The following COL13A1 variants were observed in gnomAD, a reference collection of about 807,000 sequenced individuals.
The protein encoded by COL13A1 is collagen type XIII alpha 1 chain.
COL13A1 carries 89 observed loss-of-function variants against 130.9 expected under a neutral mutation model. The observed-to-expected ratio is 0.68, with a 90% CI of 0.57 to 0.81. The LOEUF is 0.81. Ranked by LOEUF, COL13A1 falls within the 30% of genes least tolerant of loss-of-function variation. COL13A1 has a pLI of 0.00. For missense variants in COL13A1, 879 were observed against 934.6 expected (o/e 0.94, Z 0.78); for synonymous variants, 402 against 341.6 (o/e 1.18, Z -1.95).
At chr10:69,904,126 G>A (rs916912212) in intron 15 of COL13A1, among the ~76,000 whole-genome samples, 3 of 152,134 alleles carry the variant, frequency 2.0e-5, no homozygotes, top group Admixed American at 6.5e-5. Flanking sequence ...AACCTGAAAG[G>A]AAGGGAAACT....
intron 17 of COL13A1, among the ~76,000 whole-genome samples, chr10:69,907,148 T>C (rs376835016): frequency 8.5e-5 from 13 of 152,326 alleles, no homozygotes; most frequent in African/African-American, 2.9e-4. Context: ...ATAACTGTAA[T>C]AGCAATAATA....
chr10:69,875,057 G>T lies in COL13A1; in HGVS notation c.400-71G>T. The T allele has an allele frequency of 2.5e-6, 4 of 1,599,706 alleles. No individual in the cohort carries two copies. The South Asian group carries it at 4.4e-5, about 18-fold the overall frequency. On this transcript the variant is annotated intron_variant, in intron 4 of 40. Transcript: ENST00000645393. ...GTGCCCTAAATCAGGTGCACAGTTT[G>T]CCTATAGGGTCCTTCACATGCTAGC... is the stretch of plus-strand genomic sequence containing the variant.
chr10:69,802,570 G>T lies in COL13A1; in HGVS notation c.147G>T (p.Thr49=). Residue 49 remains threonine, a synonymous_variant, in exon 1 of 41, where the codon ACG becomes ACT. Transcript: ENST00000645393. The stretch of plus-strand genomic sequence containing the variant: ...GTCCAGGGTCGTGCGGGCTGCTGAC[G>T]CTGGCCCTCTGCTCGCTGGCACTCA... ...LPSPGSCGLL[T]LALCSLALSL... 6.2e-7 allele frequency: 1 copy of T among 1,610,900 alleles called. No individual in the cohort carries two copies. The highest frequency in any genetic ancestry group is 8.5e-7 in the Non-Finnish European group (1 of 1,178,708).
At chr10:69,930,109 T>G (rs1309785173) in intron 29 of COL13A1, 22 bp downstream of exon 29, 2 of 1,612,620 alleles carry the variant, frequency 1.2e-6, no homozygotes, top group African/African-American at 2.7e-5. Context: ...CGTCCTCTGG[T>G]CAAACCTCTG....
intron 2 of COL13A1, among the ~76,000 whole-genome samples, chr10:69,859,789 A>G (rs1045935822): frequency 6.6e-6 from 1 of 152,184 alleles, no homozygotes; most frequent in Non-Finnish European, 1.5e-5. Flanking sequence ...GCCGGAGGAG[A>G]CTGGAGTTTG....
chr10:69,927,886 A>G, intron 27 of COL13A1, among the ~76,000 whole-genome samples: 1 of 152,266 alleles, frequency 6.6e-6, no homozygotes, highest in East Asian at 1.9e-4. Flanking sequence ...TTGGCAGGGC[A>G]CAGTGGCTTA....
At chr10:69,811,210 C>T (rs1010076959) in intron 1 of COL13A1, among the ~76,000 whole-genome samples, 5 of 152,298 alleles carry the variant, frequency 3.3e-5, no homozygotes, top group African/African-American at 1.2e-4. Flanking sequence ...CTCCTGCCCA[C>T]CACCCCCTCC....
At chr10:69,903,832 T>C (rs1253972769) in intron 15 of COL13A1, among the ~76,000 whole-genome samples, 1 of 152,150 alleles carries the variant, frequency 6.6e-6, no homozygotes, top group Non-Finnish European at 1.5e-5. Flanking sequence ...GGCAAGGATG[T>C]CCCCAACAAT....
At chr10:69,894,904 G>A (rs749414990) in intron 12 of COL13A1, among the ~76,000 whole-genome samples, 2 of 152,168 alleles carry the variant, frequency 1.3e-5, no homozygotes, top group Non-Finnish European at 2.9e-5. Flanking sequence ...CCTGGAGGCT[G>A]GTCCGGGTGA....
chr10:69,901,804 T>C (rs543247629), intron 14 of COL13A1, among the ~76,000 whole-genome samples: 1 of 152,294 alleles, frequency 6.6e-6, no homozygotes, highest in East Asian at 1.9e-4. Flanking sequence ...GGGAGCATGA[T>C]GCCATCGCTA....
At chr10:69,822,289 C>A in intron 1 of COL13A1, 80 bp from the exon 2 acceptor site, 1 of 1,136,264 alleles carries the variant, frequency 8.8e-7, no homozygotes, top group Non-Finnish European at 1.2e-6. Flanking sequence ...TTCCTGCCCT[C>A]CTCGTCAGCC....
intron 37 of COL13A1, 44 bp from the exon 38 acceptor site, chr10:69,947,263 G>A: frequency 1.3e-6 from 2 of 1,592,672 alleles, no homozygotes; most frequent in Non-Finnish European, 1.7e-6. Context: ...CAGCTGGCCT[G>A]TGTGTCCTCA....
At chr10:69,932,687 C>A in intron 31 of COL13A1, 83 bp downstream of exon 31, 1 of 906,128 alleles carries the variant, frequency 1.1e-6, no homozygotes, top group Non-Finnish European at 1.8e-6. Flanking sequence ...TAGAATGAAG[C>A]TTGCAACTGC....
chr10:69,847,888 G>A (rs944996801), intron 2 of COL13A1, among the ~76,000 whole-genome samples: 1 of 152,230 alleles, frequency 6.6e-6, no homozygotes, highest in Non-Finnish European at 1.5e-5. Context: ...GGTCTGGGAG[G>A]GAGGAGTTCC....
At chr10:69,868,288 C>T (rs1313764525) in intron 3 of COL13A1, among the ~76,000 whole-genome samples, 1 of 151,774 alleles carries the variant, frequency 6.6e-6, no homozygotes, top group Non-Finnish European at 1.5e-5. Context: ...CCATTCTGGC[C>T]ACTTTGGGCA....
intron 18 of COL13A1, among the ~76,000 whole-genome samples, chr10:69,917,913 T>TCTCCTC (rs563821634): frequency 1.3e-5 from 2 of 151,000 alleles, no homozygotes; most frequent in South Asian, 2.1e-4. Flanking sequence ...TCCCTTCCCA[T>TCTCCTC]CTCCTCCTCC....
At chr10:69,867,321 G>T (rs1273172758) in intron 2 of COL13A1, among the ~76,000 whole-genome samples, 1 of 152,248 alleles carries the variant, frequency 6.6e-6, no homozygotes, top group Non-Finnish European at 1.5e-5. Flanking sequence ...AGGGTGCACA[G>T]TGGCCATCCA....
At chr10:69,942,621 A>G (rs550305379) in intron 35 of COL13A1, among the ~76,000 whole-genome samples, 1 of 152,340 alleles carries the variant, frequency 6.6e-6, no homozygotes, top group South Asian at 2.1e-4. Context: ...TGCCAATATT[A>G]ACATTTATTG....
intron 7 of COL13A1, among the ~76,000 whole-genome samples, chr10:69,882,781 A>T (rs2060267028): frequency 6.6e-6 from 1 of 152,226 alleles, no homozygotes; most frequent in African/African-American, 2.4e-5. Context: ...TTATCATACC[A>T]GGAGTCTTAA....
Sources: gnomAD v4.1 joint callset for allele counts (sites outside exome capture counted in the v4.1 genomes callset) on GRCh38, gnomAD v4.1.1 for gene constraint, MANE v1.5 for transcripts, NCBI Gene and HGNC (gene_info 2026-07-23, HGNC 2026-07-21) for gene names.